The following SLC6A17 variants were observed in gnomAD, a reference collection of about 807,000 sequenced individuals.
SLC6A17 encodes sodium-dependent neutral amino acid transporter SLC6A17.
SLC6A17 carries 21 observed loss-of-function variants against 64.5 expected under a neutral mutation model. The ratio of observed to expected loss-of-function variants is 0.33; its 90% CI spans 0.23 to 0.47. The LOEUF (loss-of-function observed/expected upper bound fraction) is 0.47. SLC6A17 is among the 20% of genes least tolerant of loss of function. SLC6A17 has a pLI of 1.00. For missense variants in SLC6A17, 682 were observed against 963.2 expected, an observed-to-expected ratio of 0.71 and a Z score of 3.86; for synonymous variants, 372 against 399.5, an observed-to-expected ratio of 0.93 and a Z score of 0.82.
intron 3 of SLC6A17, 37 bp from the exon 4 acceptor site, chr1:110,173,936 T>A: frequency 6.3e-7 from 1 of 1,589,982 alleles, no homozygotes; most frequent in Non-Finnish European, 8.6e-7. Context: ...TGGAGTTGCC[T>A]GCAGCCTCAG....
chr1:110,181,308 A>G (rs533419076), intron 6 of SLC6A17, among the ~76,000 whole-genome samples: 31 of 152,256 alleles, frequency 2.0e-4, no homozygotes, highest in Non-Finnish European at 3.2e-4. Flanking sequence ...TAACTTCTAC[A>G]TATTTGTCCT....
In SLC6A17 at chr1:110,174,119, G is replaced by A. The variant is rs1324564709; in HGVS notation, c.571+20G>A. ...TGGCAGGCAAGTATGGGGCCCAGCT[G>A]GGGATGCCAGCCAGCCCTGTCCCAG... On this transcript the variant is annotated intron_variant, in intron 4 of 11. Transcript: ENST00000331565. 6.2e-7 allele frequency: 1 copy of A among 1,613,108 alleles called. No homozygotes were observed. The highest frequency in any genetic ancestry group is 8.5e-7 in the Non-Finnish European group (1 of 1,179,566).
intron 6 of SLC6A17, among the ~76,000 whole-genome samples, chr1:110,191,753 T>C (rs1437831390): frequency 1.3e-5 from 2 of 152,204 alleles, no homozygotes; most frequent in Non-Finnish European, 2.9e-5. Context: ...TCTTACCAAG[T>C]CCTCACAGTC....
At chr1:110,153,273 G>T (rs1472777053) in intron 1 of SLC6A17, among the ~76,000 whole-genome samples, 2 of 152,170 alleles carry the variant, frequency 1.3e-5, no homozygotes, top group African/African-American at 4.8e-5. Flanking sequence ...ATCCATAATA[G>T]AATTGAAAGT....
chr1:110,161,236 G>T (rs567016325), intron 1 of SLC6A17, among the ~76,000 whole-genome samples: 1 of 152,198 alleles, frequency 6.6e-6, no homozygotes, highest in African/African-American at 2.4e-5. Flanking sequence ...AAGCTCAGGG[G>T]CTCTGAGGTA....
At chr1:110,166,166 C>T (rs1656049018) in intron 1 of SLC6A17, 1 of 152,254 alleles carries the variant, frequency 6.6e-6, no homozygotes, top group Admixed American at 6.5e-5. Context: ...ACTGAGCAAA[C>T]AGCCCTTGGC....
chr1:110,174,120 G>A lies in SLC6A17; in HGVS notation c.571+21G>A, dbSNP rs1365493865. On this transcript the variant is annotated intron_variant, in intron 4 of 11. Coordinates refer to ENST00000331565, the MANE Select transcript of SLC6A17 (RefSeq NM_001010898.4). ...GGCAGGCAAGTATGGGGCCCAGCTG[G>A]GGATGCCAGCCAGCCCTGTCCCAGG... 4.3e-6 allele frequency: 7 copies of A among 1,612,984 alleles called. No homozygotes were observed. The South Asian group carries it at 4.4e-5, about 10-fold the overall frequency.
chr1:110,172,276 G>A, intron 3 of SLC6A17, 59 bp downstream of exon 3: 1 of 1,518,684 alleles, frequency 6.6e-7, no homozygotes, highest in Non-Finnish European at 8.8e-7. Flanking sequence ...CCTGGGCATT[G>A]GAGACGAGGT....
chr1:110,152,823 A>G lies in SLC6A17; in HGVS notation c.-88+1940A>G, dbSNP rs373801791. Among the ~76,000 whole-genome samples the G allele has an allele frequency of 7.2e-5, 11 of 152,338 alleles. No individual in the cohort carries two copies. The South Asian group carries it at 2.1e-3, about 29-fold the overall frequency. ...CAGGTGCTAGACACAGCAGGTGCTC[A>G]TTAGATGTTAGTTCCCCATCCCTTC... On this transcript the variant is annotated intron_variant, in intron 1 of 11. Transcript: ENST00000331565.
At chr1:110,155,398 C>A (rs902326738) in intron 1 of SLC6A17, among the ~76,000 whole-genome samples, 2 of 152,154 alleles carry the variant, frequency 1.3e-5, no homozygotes, top group African/African-American at 2.4e-5. Context: ...AGCTCAGATG[C>A]AATATGAATT....
intron 2 of SLC6A17, among the ~76,000 whole-genome samples, chr1:110,170,253 G>A (rs1299149110): frequency 1.3e-5 from 2 of 152,180 alleles, no homozygotes; most frequent in Non-Finnish European, 2.9e-5. Flanking sequence ...GGGAGGCCGA[G>A]GCGGGCGGAT....
chr1:110,186,760 G>A (rs1434672851), intron 6 of SLC6A17, among the ~76,000 whole-genome samples: 1 of 152,220 alleles, frequency 6.6e-6, no homozygotes, highest in Non-Finnish European at 1.5e-5. Flanking sequence ...CCACCCCTAA[G>A]CACAAAGTGT....
At position 110,188,603 on chromosome 1, in the gene SLC6A17, T is replaced by C. The variant is rs370878412; in HGVS notation, c.865-3369T>C. Among the ~76,000 whole-genome samples, 70 of 152,204 alleles carry C rather than the reference T, an allele frequency of 4.6e-4. No individual in the cohort carries two copies. In the South Asian group the frequency reaches 0.014, roughly 31 times the overall value. ...CCCATCCTGTCCTCCCTCCCTCCTCTCTCAAATGAGCAGCCCAAGGGTGGT... is the reference window on the plus strand; with the variant it reads ...CCCATCCTGTCCTCCCTCCCTCCTCCCTCAAATGAGCAGCCCAAGGGTGGT... On this transcript the variant is annotated intron_variant, in intron 6 of 11. Transcript: ENST00000331565.
Position 110,191,188 on chromosome 1 carries a change from T to C in SLC6A17, c.865-784T>C, listed in dbSNP as rs547082306. On this transcript the variant is annotated intron_variant, in intron 6 of 11. Transcript: ENST00000331565. ...CCACTTACCAAAAGCTTCATAGCCA[T>C]TTAAAGATGGGAGTCAGGATTTGGA... Among the ~76,000 whole-genome samples the C allele has an allele frequency of 3.9e-5, 6 of 152,292 alleles. No individual in the cohort carries two copies. In the East Asian group the frequency reaches 7.7e-4, roughly 20 times the overall value.
In SLC6A17 at chr1:110,176,694, G is replaced by A. The variant is rs752734068; in HGVS notation, c.819G>A (p.Leu273=). The A allele has an allele frequency of 1.9e-6, 3 of 1,614,070 alleles. No individual in the cohort carries two copies. In the Admixed American group the frequency reaches 5.0e-5, roughly 27 times the overall value. ...CCTGCTTCCTGGTCCGGGGGCTGTT[G>A]CTGCGAGGGGCAGTTGATGGCATCC... ...VLACFLVRGL[L]LRGAVDGILH... The change falls in exon 6 of 12, where the codon TTG becomes TTA. Residue 273 remains leucine, a synonymous_variant. Transcript: ENST00000331565.
At chr1:110,194,517 G>A (rs1226243247) in intron 8 of SLC6A17, 62 bp from the exon 9 acceptor site, 1 of 1,550,540 alleles carries the variant, frequency 6.4e-7, no homozygotes, top group Non-Finnish European at 8.8e-7. Flanking sequence ...CAGAGGGAAG[G>A]AAGCAGTGGG....
At chr1:110,194,240 A>G (rs2761441) in intron 8 of SLC6A17, among the ~76,000 whole-genome samples, 57,041 of 152,060 alleles carry the variant, frequency 0.38, 13,058 homozygotes, top group Non-Finnish European at 0.51. Flanking sequence ...TGGCTGGAGC[A>G]ATCAGGAAAG....
Position 110,198,147 on chromosome 1 carries a change from G to C in SLC6A17, c.1887G>C (p.Thr629=). The C allele has an allele frequency of 6.2e-7, 1 of 1,613,972 alleles. No homozygotes were observed. Among genetic ancestry groups the C allele is most frequent in the South Asian group, 1.1e-5 (1 of 91,054 alleles). ...ALLITLIVVA[T]LPIPVVFVLR... Reference sequence around the variant, plus strand: ...TGATCACCCTCATCGTCGTGGCGACGCTGCCCATCCCTGTGGTGTTCGTCC... The same window carrying C: ...TGATCACCCTCATCGTCGTGGCGACCCTGCCCATCCCTGTGGTGTTCGTCC... Residue 629 remains threonine (T), a synonymous_variant, in exon 12 of 12, where the codon ACG becomes ACC. Coordinates refer to ENST00000331565, the MANE Select transcript of SLC6A17 (RefSeq NM_001010898.4).
At chr1:110,186,682 C>CTCTCTT (rs5777005) in intron 6 of SLC6A17, among the ~76,000 whole-genome samples, 7 of 151,530 alleles carry the variant, frequency 4.6e-5, no homozygotes, top group African/African-American at 1.7e-4. Context: ...CTCTCTCTCT[C>CTCTCTT]GCTCCCGACT....
Sources: gnomAD v4.1 joint callset for allele counts (sites outside exome capture counted in the v4.1 genomes callset) on GRCh38, gnomAD v4.1.1 for gene constraint, MANE v1.5 for transcripts, NCBI Gene and HGNC (gene_info 2026-07-23, HGNC 2026-07-21) for gene names.